BBS9: variants seen among roughly 807,000 people sequenced by gnomAD.
BBS9 encodes the protein Bardet-Biedl syndrome 9, also known as protein PTHB1.
Under a neutral mutation model 117.7 loss-of-function variants are expected in BBS9, and 89 were observed. The ratio of observed to expected loss-of-function variants is 0.76; its 90% confidence interval spans 0.64 to 0.90. BBS9 has a LOEUF of 0.90. Among genes scored for constraint, BBS9 ranks in the 40% least tolerant of loss-of-function variants. The pLI, the probability that BBS9 is intolerant of heterozygous loss-of-function variation, is 0.00. For synonymous variants in BBS9, 379 were observed against 370.9 expected (o/e 1.02, Z -0.25); for missense variants, 982 against 1,042.2 (o/e 0.94, Z 0.80).
At chr7:33,254,444 AC>A (rs1796698706) in intron 5 of BBS9, among the ~76,000 whole-genome samples, 1 of 152,164 alleles carries the variant, frequency 6.6e-6, no homozygotes, top group African/African-American at 2.4e-5. Context: ...ATATACATAT[AC>A]ATTGTGTAAT....
intron 19 of BBS9, among the ~76,000 whole-genome samples, chr7:33,490,992 A>G (rs1477918012): frequency 1.3e-5 from 2 of 152,116 alleles, no homozygotes; most frequent in East Asian, 1.9e-4. Context: ...GTCACAGCCA[A>G]AGTAGATCTA....
rs370102982 is a variant in BBS9 at position 33,386,559 on chromosome 7, C to T, written c.1963-1433C>T. On this transcript the variant is annotated intron_variant, in intron 18 of 22. Coordinates refer to ENST00000242067, the MANE Select transcript of BBS9 (RefSeq NM_198428.3). ...AGGCTGGGGTGCAGTGGCACGATCT[C>T]GGCTCACTGCAAGCTTGGCCTCCTG... Among the ~76,000 whole-genome samples the T allele has an allele frequency of 1.2e-3, 185 of 151,862 alleles. 7 individuals are homozygous for T. In the South Asian group the frequency reaches 0.037, roughly 31 times the overall value.
At chr7:33,218,406 T>C (rs1789485770) in intron 5 of BBS9, among the ~76,000 whole-genome samples, 1 of 152,232 alleles carries the variant, frequency 6.6e-6, no homozygotes, top group South Asian at 2.1e-4. Flanking sequence ...TGCCTGACCC[T>C]GTCATTGTCA....
intron 21 of BBS9, among the ~76,000 whole-genome samples, chr7:33,593,054 G>A (rs1017710989): frequency 6.6e-6 from 1 of 152,092 alleles, no homozygotes; most frequent in Non-Finnish European, 1.5e-5. Context: ...ATTTGAAATG[G>A]AAATATCTTA....
chr7:33,386,050 C>T (rs1281652686), intron 18 of BBS9, among the ~76,000 whole-genome samples: 1 of 151,978 alleles, frequency 6.6e-6, no homozygotes, highest in African/African-American at 2.4e-5. Flanking sequence ...TTAATGGGTG[C>T]AGCGCACCGA....
chr7:33,422,857 G>A (rs1584769646), intron 19 of BBS9, among the ~76,000 whole-genome samples: 2 of 151,902 alleles, frequency 1.3e-5, no homozygotes, highest in South Asian at 2.1e-4. Context: ...CAATCCTCTC[G>A]CCTTTTCCTC....
At chr7:33,602,564 A>G (rs961340003) in intron 21 of BBS9, among the ~76,000 whole-genome samples, 1 of 152,160 alleles carries the variant, frequency 6.6e-6, no homozygotes, top group Non-Finnish European at 1.5e-5. Flanking sequence ...CCCCATCTCT[A>G]CTAAAAATAC....
At chr7:33,426,092 G>A (rs1454768112) in intron 19 of BBS9, among the ~76,000 whole-genome samples, 3 of 152,174 alleles carry the variant, frequency 2.0e-5, no homozygotes, top group African/African-American at 4.8e-5. Flanking sequence ...AACATTGCAT[G>A]TAGGAAAATG....
chr7:33,304,602 G>C (rs1234061343), intron 9 of BBS9, among the ~76,000 whole-genome samples: 1 of 152,218 alleles, frequency 6.6e-6, no homozygotes, highest in Non-Finnish European at 1.5e-5. Context: ...CAAGTGTGAA[G>C]TGACAGCCTT....
intron 19 of BBS9, among the ~76,000 whole-genome samples, chr7:33,499,190 C>T (rs1000159697): frequency 4.6e-5 from 7 of 152,212 alleles, no homozygotes; most frequent in South Asian, 4.1e-4. Flanking sequence ...TTCAAAACAA[C>T]ACATCATCCA....
rs576159913 is a variant in BBS9, at chr7:33,359,728, A to G, written c.1693+1733A>G. On this transcript the variant is annotated intron_variant, in intron 16 of 22. Transcript: ENST00000242067. ...TCTGTTTTTTTTAACTGAAAGAAGC[A>G]AAATTAATGAGCTTTATAGAGAAGA... is the stretch of plus-strand genomic sequence containing the variant. Among the ~76,000 whole-genome samples the G allele has an allele frequency of 4.6e-5, 7 of 152,236 alleles. No homozygotes were observed. The East Asian group carries it at 1.2e-3, about 25-fold the overall frequency.
exon 22 of BBS9, among the ~76,000 whole-genome samples, chr7:33,635,611 T>C (rs751790121): frequency 3.3e-5 from 5 of 152,242 alleles, no homozygotes; most frequent in Non-Finnish European, 5.9e-5. Flanking sequence ...AAATCCTCTG[T>C]GCTTTGACTG....
At chr7:33,394,054 C>T (rs1451679279) in intron 19 of BBS9, among the ~76,000 whole-genome samples, 1 of 152,122 alleles carries the variant, frequency 6.6e-6, no homozygotes, top group Admixed American at 6.5e-5. Flanking sequence ...CAACAAGCAC[C>T]CTTATGGAGG....
intron 20 of BBS9, among the ~76,000 whole-genome samples, chr7:33,521,047 CT>C (rs1392084554): frequency 3.9e-5 from 6 of 152,084 alleles, no homozygotes; most frequent in African/African-American, 1.4e-4. Context: ...AAGCTTTTGC[CT>C]GAACTAAACT....
At chr7:33,625,905 A>G (rs1014337187) in intron 21 of BBS9, among the ~76,000 whole-genome samples, 1 of 152,216 alleles carries the variant, frequency 6.6e-6, no homozygotes, top group Non-Finnish European at 1.5e-5. Flanking sequence ...ACTAAATTAT[A>G]TGTCTGAAAA....
chr7:33,191,262 TC>T (rs1784074313), intron 5 of BBS9, among the ~76,000 whole-genome samples: 1 of 152,104 alleles, frequency 6.6e-6, no homozygotes, highest in African/African-American at 2.4e-5. Context: ...GCTGAAAATA[TC>T]CTTATTTGGG....
intron 4 of BBS9, among the ~76,000 whole-genome samples, chr7:33,159,606 G>A (rs141776269): frequency 2.4e-4 from 36 of 152,272 alleles, no homozygotes; most frequent in African/African-American, 8.2e-4. Flanking sequence ...TTCTCACATA[G>A]GTGAGAGTGT....
intron 20 of BBS9, among the ~76,000 whole-genome samples, chr7:33,514,484 C>T (rs1847434969): frequency 6.6e-6 from 1 of 152,128 alleles, no homozygotes; most frequent in Non-Finnish European, 1.5e-5. Flanking sequence ...CTCAGAACCA[C>T]AGGCTCACCC....
At chr7:33,263,564 ACT>A (rs1798315781) in intron 6 of BBS9, among the ~76,000 whole-genome samples, 2 of 152,158 alleles carry the variant, frequency 1.3e-5, no homozygotes, top group Admixed American at 6.5e-5. Context: ...GCTAAATGCC[ACT>A]ATTGAAATAG....
Sources: gnomAD v4.1 joint callset for allele counts (sites outside exome capture counted in the v4.1 genomes callset) on GRCh38, gnomAD v4.1.1 for gene constraint, MANE v1.5 for transcripts, NCBI Gene and HGNC (gene_info 2026-07-23, HGNC 2026-07-21) for gene names.